The following MGAT3 variants were observed in gnomAD, a reference collection of about 807,000 sequenced individuals.
MGAT3 encodes GlcNAc-T III.
A neutral mutation model predicts 29.8 loss-of-function variants in MGAT3; 9 were observed. The observed-to-expected ratio is 0.30, with a 90% CI of 0.18 to 0.53. MGAT3 has a LOEUF of 0.53. Ranked by LOEUF, MGAT3 falls within the 20% of genes least tolerant of loss-of-function variation. The pLI, the probability that MGAT3 is intolerant of heterozygous loss-of-function variation, is 0.96. For missense variants in MGAT3, 557 were observed against 769.5 expected (o/e 0.72, Z 3.27); for synonymous variants, 397 against 348.9 (o/e 1.14, Z -1.54).
At position 39,487,923 on chromosome 22, in the gene MGAT3, C is replaced by T. The variant is rs2145728258; in HGVS notation, c.576C>T (p.Asn192=). 1 of 1,606,684 alleles carries T rather than the reference C, an allele frequency of 6.2e-7. No homozygotes were observed. The highest frequency in any genetic ancestry group is 2.2e-5 in the East Asian group (1 of 44,762). Residue 192 remains asparagine (N), a synonymous_variant, in exon 2 of 2, where the codon AAC becomes AAT. Transcript: ENST00000341184. This position sits in a 1 kb window ranked among gnomAD's most constrained non-coding sequence, Gnocchi z 5.7. ...TGCCCACTGTGGTGCAGTACTCCAA[C>T]CTGCCCACCAAGGAGCGGCTGGTGC... The part of the protein sequence containing the change: ...CGVPTVVQYS[N]LPTKERLVPR...
At chr22:39,473,146 G>C (rs1928858724) in intron 1 of MGAT3, among the ~76,000 whole-genome samples, 1 of 152,156 alleles carries the variant, frequency 6.6e-6, no homozygotes, top group South Asian at 2.1e-4. Context: ...GCGGCTCTCG[G>C]GGAGGCCTCA....
intron 1 of MGAT3, among the ~76,000 whole-genome samples, chr22:39,459,560 C>G (rs908331777): frequency 2.0e-5 from 3 of 152,122 alleles, no homozygotes; most frequent in Non-Finnish European, 4.4e-5. Context: ...ACCTCCTGGG[C>G]TCAAGGGATC....
intron 1 of MGAT3, among the ~76,000 whole-genome samples, chr22:39,466,464 G>A (rs1051181063): frequency 2.0e-5 from 3 of 152,176 alleles, no homozygotes; most frequent in Admixed American, 2.0e-4. Flanking sequence ...TTCCTCCGGG[G>A]CTGGTCCAGC....
Position 39,491,909 on chromosome 22 carries a change from T to C in MGAT3, c.*2960T>C, listed in dbSNP as rs1005515912. 2 of 166,818 alleles carry C rather than the reference T, an allele frequency of 1.2e-5. No individual in the cohort carries two copies. The highest frequency in any genetic ancestry group is 6.6e-5 in the Admixed American group (1 of 15,256). 10.3% of individuals were successfully genotyped at this position (166,818 alleles called of 1,614,324 possible). A position where few individuals can be genotyped will look rare whatever the true frequency, so the allele number is the denominator to read the frequency against. ...AGCATCCGGGAAGCATGGCTGGCCT[T>C]ATCCACCCATGGGTCACGTCGGTTC... On this transcript the variant is annotated 3_prime_UTR_variant, in exon 2 of 2. Coordinates refer to ENST00000341184, the MANE Select transcript of MGAT3 (RefSeq NM_002409.5). This position sits in a 1 kb window ranked among gnomAD's most constrained non-coding sequence, Gnocchi z 5.5.
intron 1 of MGAT3, among the ~76,000 whole-genome samples, chr22:39,485,805 A>G (rs1247781352): frequency 6.6e-6 from 1 of 152,112 alleles, no homozygotes; most frequent in East Asian, 1.9e-4. Context: ...AAACAAACAA[A>G]CAAAAACACA....
At chr22:39,479,040 A>G (rs546847922) in intron 1 of MGAT3, among the ~76,000 whole-genome samples, 1 of 152,122 alleles carries the variant, frequency 6.6e-6, no homozygotes. Context: ...ATGCTCTACC[A>G]CCTATCCCAA....
At chr22:39,462,841 T>C (rs1337280629) in intron 1 of MGAT3, among the ~76,000 whole-genome samples, 1 of 152,238 alleles carries the variant, frequency 6.6e-6, no homozygotes, top group Non-Finnish European at 1.5e-5. Flanking sequence ...CTAATTACCG[T>C]ATTGTTTATG....
chr22:39,462,825 A>G (rs1025961013), intron 1 of MGAT3, among the ~76,000 whole-genome samples: 2 of 152,214 alleles, frequency 1.3e-5, no homozygotes, highest in Non-Finnish European at 2.9e-5. Flanking sequence ...GAAATCATTC[A>G]CACACCTAAT....
intron 1 of MGAT3, among the ~76,000 whole-genome samples, chr22:39,471,469 A>G (rs1375837603): frequency 1.3e-5 from 2 of 152,092 alleles, no homozygotes; most frequent in African/African-American, 4.8e-5. Context: ...CATCTGCCCA[A>G]TTAATAATTA....
In MGAT3 at chr22:39,488,242, G is replaced by T; in HGVS notation, c.895G>T (p.Asp299Tyr). 1.2e-6 allele frequency: 2 copies of T among 1,612,006 alleles called. No individual in the cohort carries two copies. Among genetic ancestry groups the T allele is most frequent in the Non-Finnish European group, 1.7e-6 (2 of 1,179,906 alleles). ...CTACCTGCGCACCTTCCTCACCCAGGACGGCGTCTCGCGGCTGCGCAACCT... is the reference window on the plus strand; with the variant it reads ...CTACCTGCGCACCTTCCTCACCCAGTACGGCGTCTCGCGGCTGCGCAACCT... ...DDYLRTFLTQ[D>Y]GVSRLRNLRP... The change falls in exon 2 of 2, where the codon GAC becomes TAC. Residue 299 changes from aspartate to tyrosine, a missense_variant. Transcript: ENST00000341184.
rs142696120 is a variant in MGAT3, at chr22:39,467,739, T to C, written c.-2+10182T>C. On this transcript the variant is annotated intron_variant, in intron 1 of 1. Coordinates refer to ENST00000341184, the MANE Select transcript of MGAT3 (RefSeq NM_002409.5). ...TCTGTTTCGTTTTGTTTCGTTTCGT[T>C]TCGTTTCTTTCAGATGGAGTCTGGA... is the stretch of plus-strand genomic sequence containing the variant. 8.3e-4 allele frequency among the ~76,000 whole-genome samples: 125 copies of C among 150,692 alleles called. 2 individuals carry two copies. The East Asian group carries it at 0.018, about 22-fold the overall frequency.
chr22:39,461,105 C>T (rs901859702), intron 1 of MGAT3, among the ~76,000 whole-genome samples: 4 of 152,106 alleles, frequency 2.6e-5, no homozygotes, highest in African/African-American at 4.8e-5. Context: ...GTTGGCCGAT[C>T]GCTGTGCTGT....
intron 1 of MGAT3, among the ~76,000 whole-genome samples, chr22:39,467,782 A>T (rs2145713231): frequency 7.0e-6 from 1 of 142,986 alleles, no homozygotes; most frequent in Admixed American, 7.7e-5. Flanking sequence ...CCCAGGCTAG[A>T]GTGCAATGGC....
At chr22:39,475,286 CCTCT>C (rs1420953905) in intron 1 of MGAT3, among the ~76,000 whole-genome samples, 1 of 152,028 alleles carries the variant, frequency 6.6e-6, no homozygotes, top group Non-Finnish European at 1.5e-5. Context: ...CTTCACTCCA[CCTCT>C]CTCTCAGGTC....
Position 39,489,164 on chromosome 22 carries a change from C to A in MGAT3, c.*215C>A. 1 of 707,654 alleles carries A rather than the reference C, an allele frequency of 1.4e-6. No homozygotes were observed. The highest frequency in any genetic ancestry group is 2.4e-6 in the Non-Finnish European group (1 of 424,430). 43.8% of individuals were successfully genotyped at this position (707,654 alleles called of 1,614,324 possible). A position where few individuals can be genotyped will look rare whatever the true frequency, so the allele number is the denominator to read the frequency against. On this transcript the variant is annotated 3_prime_UTR_variant, in exon 2 of 2. Transcript: ENST00000341184. ...CCCTCCTGTTGGGAGAGGGCGCAGG[C>A]CGTGACGTCTGGGTGGCCCTTATGA... is the stretch of plus-strand genomic sequence containing the variant.
chr22:39,486,093 T>C (rs1158247984), intron 1 of MGAT3: 1 of 398,466 alleles, frequency 2.5e-6, no homozygotes, highest in African/African-American at 2.2e-5. Flanking sequence ...TTATGAAAAA[T>C]ATTAAATCAA....
In MGAT3 at chr22:39,488,441, G is replaced by A; in HGVS notation, c.1094G>A (p.Cys365Tyr). Residue 365 changes from cysteine (C) to tyrosine (Y), a missense_variant, in exon 2 of 2, where the codon TGC becomes TAC. This residue lies in a region of MGAT3 where 243 missense variants were observed against 444.0 expected (regional missense o/e 0.55). Coordinates refer to ENST00000341184, the MANE Select transcript of MGAT3 (RefSeq NM_002409.5). ...QPGTLEVVSG[C>Y]TVDMLQAVYG... Reference sequence around the variant, plus strand: ...GGCACCCTGGAGGTGGTGTCAGGCTGCACGGTGGACATGCTGCAGGCAGTG... The same window carrying A: ...GGCACCCTGGAGGTGGTGTCAGGCTACACGGTGGACATGCTGCAGGCAGTG... 6.2e-7 allele frequency: 1 copy of A among 1,612,808 alleles called. No homozygotes were observed.
chr22:39,481,870 G>A lies in MGAT3; in HGVS notation c.-1-5477G>A, dbSNP rs553086787. Among the ~76,000 whole-genome samples, 9 of 152,304 alleles carry A rather than the reference G, an allele frequency of 5.9e-5. No individual in the cohort carries two copies. The South Asian group carries it at 1.0e-3, about 18-fold the overall frequency. On this transcript the variant is annotated intron_variant, in intron 1 of 1. Coordinates refer to ENST00000341184, the MANE Select transcript of MGAT3 (RefSeq NM_002409.5). ...TGTTGGGAGGATTCAGTACAGTCAC[G>A]TGTGTAACAAGCTTAGGACAGTGTC... is the stretch of plus-strand genomic sequence containing the variant.
Position 39,488,313 on chromosome 22 carries a change from G to A in MGAT3, c.966G>A (p.Pro322=). The stretch of plus-strand genomic sequence containing the variant: ...TCATTGACGATGCGGACGAGATCCC[G>A]GCCCGTGACGGCGTCCTTTTCCTCA... ...VFIIDDADEI[P]ARDGVLFLKL... is the part of the protein sequence containing the mutation. Residue 322 remains proline (P), a synonymous_variant, in exon 2 of 2, where the codon CCG becomes CCA. Coordinates refer to ENST00000341184, the MANE Select transcript of MGAT3 (RefSeq NM_002409.5). The A allele has an allele frequency of 1.2e-6, 2 of 1,611,812 alleles. No homozygotes were observed. Among genetic ancestry groups the A allele is most frequent in the African/African-American group, 1.3e-5 (1 of 75,056 alleles).
Sources: gnomAD v4.1 joint callset for allele counts (sites outside exome capture counted in the v4.1 genomes callset) on GRCh38, gnomAD v4.1.1 for gene constraint, gnomAD v4.1.1 regional missense constraint, Gnocchi (gnomAD v3.1) non-coding constraint, MANE v1.5 for transcripts, NCBI Gene and HGNC (gene_info 2026-07-23, HGNC 2026-07-21) for gene names.